The following TASP1 variants were observed in gnomAD, a reference collection of about 807,000 sequenced individuals.
TASP1 encodes threonine aspartase 1.
TASP1 carries 16 observed loss-of-function variants against 56.6 expected under a neutral mutation model. The ratio of observed to expected loss-of-function variants is 0.28; its 90% CI spans 0.19 to 0.43. The LOEUF (loss-of-function observed/expected upper bound fraction) is 0.43. TASP1 is among the 20% of genes least tolerant of loss of function. TASP1 has a pLI of 1.00. For synonymous variants in TASP1, 179 were observed against 184.2 expected, an observed-to-expected ratio of 0.97 and a Z score of 0.23; for missense variants, 393 against 511.6, an observed-to-expected ratio of 0.77 and a Z score of 2.24.
the TASP1 span, among the ~76,000 whole-genome samples, chr20:13,226,298 T>A: frequency 6.6e-6 from 1 of 152,200 alleles, no homozygotes; most frequent in Non-Finnish European, 1.5e-5. Context: ...CTTATAGCAG[T>A]AGAAGCAAAA....
chr20:13,354,842 GT>G, the TASP1 span, among the ~76,000 whole-genome samples: 17 of 152,248 alleles, frequency 1.1e-4, no homozygotes, highest in South Asian at 3.3e-3. Context: ...ATATGTTTGA[GT>G]TTTGGAAAAG....
In TASP1 at chr20:13,392,717, G is replaced by A. The variant is rs74512208; in HGVS notation, c.1171-2265C>T. 4,410 of 566,526 alleles carry A rather than the reference G, an allele frequency of 7.8e-3. 144 individuals are homozygous for A. The highest frequency in any genetic ancestry group is 0.073 in the African/African-American group (3,871 of 53,316). 35.1% of individuals were successfully genotyped at this position (566,526 alleles called of 1,614,324 possible). Reference sequence around the variant, plus strand: ...CAAAGTAAAAAGATTTGGCAGTATCGGGCGCTGGTCACCAGGGCTGCTTTT... The same window carrying A: ...CAAAGTAAAAAGATTTGGCAGTATCAGGCGCTGGTCACCAGGGCTGCTTTT... On this transcript the variant is annotated intron_variant, in intron 13 of 13. Transcript: ENST00000337743.
At chr20:13,361,930 C>T in the TASP1 span, among the ~76,000 whole-genome samples, 4 of 152,034 alleles carry the variant, frequency 2.6e-5, no homozygotes, top group East Asian at 1.9e-4. Flanking sequence ...ACCTTTTACA[C>T]CTGTTTTTCT....
At chr20:13,321,630 T>C in the TASP1 span, among the ~76,000 whole-genome samples, 1 of 152,234 alleles carries the variant, frequency 6.6e-6, no homozygotes, top group Non-Finnish European at 1.5e-5. Context: ...CCTCGGCTTC[T>C]AGCCCAGGGC....
the TASP1 span, chr20:13,165,173 C>A: frequency 4.1e-6 from 1 of 241,848 alleles, no homozygotes. Flanking sequence ...TGCTACTGTG[C>A]AGACCCTTTC....
At chr20:13,258,261 G>A in the TASP1 span, among the ~76,000 whole-genome samples, 3 of 151,970 alleles carry the variant, frequency 2.0e-5, no homozygotes, top group African/African-American at 7.2e-5. Flanking sequence ...CCAATGTTAG[G>A]CATGGCAGGA....
the TASP1 span, among the ~76,000 whole-genome samples, chr20:13,325,425 C>T: frequency 4.6e-5 from 7 of 152,134 alleles, no homozygotes; most frequent in African/African-American, 1.7e-4. Flanking sequence ...AAATATGTCA[C>T]TTTGATTTCC....
chr20:13,467,432 AG>A (rs1272745314), intron 11 of TASP1, among the ~76,000 whole-genome samples: 3 of 151,220 alleles, frequency 2.0e-5, no homozygotes, highest in African/African-American at 7.3e-5. Context: ...AAAAAAAAAA[AG>A]CTAATTACTC....
At chr20:13,183,528 G>A in the TASP1 span, among the ~76,000 whole-genome samples, 3 of 152,166 alleles carry the variant, frequency 2.0e-5, no homozygotes, top group South Asian at 6.2e-4. Flanking sequence ...AACACACATG[G>A]ATTATCTACT....
chr20:13,176,164 A>T, the TASP1 span, among the ~76,000 whole-genome samples: 1 of 152,202 alleles, frequency 6.6e-6, no homozygotes, highest in South Asian at 2.1e-4. Context: ...GGAGAGTTTA[A>T]CTGTACATAA....
intron 10 of TASP1, among the ~76,000 whole-genome samples, chr20:13,502,043 A>G (rs575460796): frequency 2.9e-4 from 44 of 152,162 alleles, no homozygotes; most frequent in African/African-American, 1.0e-3. Flanking sequence ...GGAAAAATAT[A>G]ATGGATATAA....
intron 7 of TASP1, 57 bp downstream of exon 7, chr20:13,569,450 A>G: frequency 7.5e-7 from 1 of 1,337,464 alleles, no homozygotes; most frequent in Non-Finnish European, 1.1e-6. Context: ...CAGAAGCAAT[A>G]TTATACTTTA....
intron 8 of TASP1, among the ~76,000 whole-genome samples, chr20:13,547,838 G>C (rs1406420950): frequency 6.6e-6 from 1 of 152,074 alleles, no homozygotes; most frequent in African/African-American, 2.4e-5. Context: ...AATGTTTATT[G>C]AGCATTTATT....
At chr20:13,206,158 G>C in the TASP1 span, among the ~76,000 whole-genome samples, 1 of 152,162 alleles carries the variant, frequency 6.6e-6, no homozygotes, top group Non-Finnish European at 1.5e-5. Flanking sequence ...CCTGAGGGGA[G>C]CTGGCCCTGT....
intron 6 of TASP1, among the ~76,000 whole-genome samples, chr20:13,576,060 G>A (rs2046893337): frequency 6.6e-6 from 1 of 151,724 alleles, no homozygotes; most frequent in Non-Finnish European, 1.5e-5. Context: ...AAATTAGCAG[G>A]GCATGGTGGT....
the TASP1 span, among the ~76,000 whole-genome samples, chr20:13,236,912 G>A: frequency 6.6e-6 from 1 of 152,196 alleles, no homozygotes; most frequent in Non-Finnish European, 1.5e-5. Flanking sequence ...GCTGCTTTCA[G>A]GGGCTGGCAT....
chr20:13,502,058 T>C (rs1379666206), intron 10 of TASP1, among the ~76,000 whole-genome samples: 1 of 151,938 alleles, frequency 6.6e-6, no homozygotes, highest in South Asian at 2.1e-4. Flanking sequence ...ATATAACAGA[T>C]TGAAATACAT....
chr20:13,260,659 A>T, the TASP1 span, among the ~76,000 whole-genome samples: 30 of 150,250 alleles, frequency 2.0e-4, no homozygotes, highest in Non-Finnish European at 1.8e-4. Flanking sequence ...GTGTCTCTTT[A>T]GGATTCCATT....
At chr20:13,631,089 T>A (rs1006431991) in intron 1 of TASP1, among the ~76,000 whole-genome samples, 3 of 152,200 alleles carry the variant, frequency 2.0e-5, no homozygotes, top group African/African-American at 7.2e-5. Flanking sequence ...TTGAAAATTT[T>A]TGAAAGCTGG....
Sources: allele counts gnomAD v4.1 joint callset (sites outside exome capture counted in the v4.1 genomes callset), GRCh38; gene constraint gnomAD v4.1.1; transcripts MANE v1.5; gene names NCBI Gene and HGNC (gene_info 2026-07-23, HGNC 2026-07-21).